The following EXOC4 variants were observed in gnomAD, a reference collection of about 807,000 sequenced individuals.
EXOC4 encodes SEC8-like 1.
In EXOC4, 71 loss-of-function variants were observed where a neutral mutation model predicts 107.2. The ratio of observed to expected loss-of-function variants is 0.66; its 90% CI spans 0.55 to 0.81. EXOC4 has a LOEUF of 0.81. EXOC4 is among the 30% of genes least tolerant of loss of function. The probability of loss-of-function intolerance (pLI) is 0.00; values close to 1 mark genes in which losing one functional copy is unlikely to be tolerated. For synonymous variants in EXOC4, 456 were observed against 441.2 expected, an observed-to-expected ratio of 1.03 and a Z score of -0.42; for missense variants, 1,108 against 1,189.6, an observed-to-expected ratio of 0.93 and a Z score of 1.01.
At chr7:133,674,647 A>C (rs1406637074) in intron 10 of EXOC4, among the ~76,000 whole-genome samples, 2 of 152,204 alleles carry the variant, frequency 1.3e-5, no homozygotes, top group African/African-American at 2.4e-5. Flanking sequence ...TGAAGAGCCT[A>C]TTAGCAGCAT....
At chr7:133,594,510 T>TTTTTTTTTTTTTTG (rs1381071081) in intron 9 of EXOC4, among the ~76,000 whole-genome samples, 1 of 145,676 alleles carries the variant, frequency 6.9e-6, no homozygotes, top group African/African-American at 2.5e-5. Flanking sequence ...TTTTTTTTTT[T>TTTTTTTTTTTTTTG]TTTGAGACGG....
the EXOC4 span, among the ~76,000 whole-genome samples, chr7:134,084,062 G>C: frequency 6.6e-6 from 1 of 152,196 alleles, no homozygotes; most frequent in African/African-American, 2.4e-5. Flanking sequence ...TACCAAGGCT[G>C]TCTGGCTCCA....
intron 7 of EXOC4, among the ~76,000 whole-genome samples, chr7:133,440,849 A>G (rs1043402893): frequency 2.6e-5 from 4 of 152,178 alleles, no homozygotes; most frequent in Non-Finnish European, 4.4e-5. Flanking sequence ...AGAAATAACC[A>G]TGGAAGTGGG....
intron 5 of EXOC4, 50 bp downstream of exon 5, chr7:133,317,440 C>T: frequency 7.7e-7 from 1 of 1,305,576 alleles, no homozygotes; most frequent in Non-Finnish European, 1.1e-6. Flanking sequence ...GTCTTAGTTC[C>T]TAGGTAGATA....
At chr7:133,621,789 A>G (rs1802336044) in intron 9 of EXOC4, among the ~76,000 whole-genome samples, 1 of 152,168 alleles carries the variant, frequency 6.6e-6, no homozygotes, top group South Asian at 2.1e-4. Context: ...ATACTGTTGC[A>G]TGGCAATCAA....
chr7:133,871,079 G>T (rs547287818), intron 11 of EXOC4, among the ~76,000 whole-genome samples: 1 of 152,264 alleles, frequency 6.6e-6, no homozygotes, highest in East Asian at 1.9e-4. Context: ...TATGACAAAG[G>T]TAATAAATAC....
At chr7:133,966,046 T>G (rs1801058512) in intron 14 of EXOC4, among the ~76,000 whole-genome samples, 1 of 152,210 alleles carries the variant, frequency 6.6e-6, no homozygotes, top group Admixed American at 6.5e-5. Flanking sequence ...TTCACATCCC[T>G]TGTAAGTTTG....
chr7:133,647,750 C>T (rs533377998), intron 10 of EXOC4, among the ~76,000 whole-genome samples: 41 of 152,234 alleles, frequency 2.7e-4, no homozygotes, highest in Non-Finnish European at 4.3e-4. Context: ...AGATAATCCA[C>T]TCTGATAATC....
At chr7:133,717,154 C>T (rs1795014444) in intron 10 of EXOC4, among the ~76,000 whole-genome samples, 1 of 152,066 alleles carries the variant, frequency 6.6e-6, no homozygotes, top group Non-Finnish European at 1.5e-5. Context: ...CTGAAAGGTT[C>T]ACTATTTTTC....
At chr7:133,989,645 T>C (rs890032641) in intron 14 of EXOC4, among the ~76,000 whole-genome samples, 5 of 152,176 alleles carry the variant, frequency 3.3e-5, no homozygotes, top group Admixed American at 2.0e-4. Flanking sequence ...AGATGAGGAC[T>C]GAAGAGCAGC....
At chr7:133,961,241 CCTCTGACA>C (rs1800935405) in intron 14 of EXOC4, among the ~76,000 whole-genome samples, 1 of 148,770 alleles carries the variant, frequency 6.7e-6, no homozygotes, top group Non-Finnish European at 1.5e-5. Context: ...ACCCCTAGAG[CCTCTGACA>C]CTTATTTAAA....
chr7:133,428,416 A>G (rs534716224), intron 7 of EXOC4, among the ~76,000 whole-genome samples: 25 of 152,326 alleles, frequency 1.6e-4, no homozygotes, highest in Non-Finnish European at 3.2e-4. Flanking sequence ...TCCAGTAGCC[A>G]TAAGCATTTG....
intron 10 of EXOC4, among the ~76,000 whole-genome samples, chr7:133,698,070 CAG>C (rs1314566428): frequency 6.6e-6 from 1 of 151,558 alleles, no homozygotes; most frequent in Non-Finnish European, 1.5e-5. Flanking sequence ...GTTTTAAAAA[CAG>C]AAGAAAATGA....
At chr7:133,351,849 A>G (rs1257779563) in intron 5 of EXOC4, among the ~76,000 whole-genome samples, 1 of 151,828 alleles carries the variant, frequency 6.6e-6, no homozygotes, top group Non-Finnish European at 1.5e-5. Context: ...TTTTTCCTGC[A>G]TCCTGTAAAT....
intron 17 of EXOC4, among the ~76,000 whole-genome samples, chr7:134,053,955 A>T (rs957648211): frequency 5.4e-4 from 82 of 151,926 alleles, no homozygotes; most frequent in African/African-American, 2.0e-3. Flanking sequence ...TTTTTTAATT[A>T]TTTTTTCTAA....
chr7:133,731,851 A>G (rs1256755529), intron 10 of EXOC4, among the ~76,000 whole-genome samples: 1 of 152,242 alleles, frequency 6.6e-6, no homozygotes. Context: ...TGGGAATATA[A>G]ATTAGTTCAA....
intron 11 of EXOC4, among the ~76,000 whole-genome samples, chr7:133,838,363 G>A (rs545675541): frequency 2.6e-5 from 4 of 152,228 alleles, no homozygotes; most frequent in Non-Finnish European, 4.4e-5. Flanking sequence ...CTGTTTAATA[G>A]AAATCTCTCC....
chr7:133,791,033 G>A (rs930151729), intron 10 of EXOC4, among the ~76,000 whole-genome samples: 1 of 152,202 alleles, frequency 6.6e-6, no homozygotes, highest in Non-Finnish European at 1.5e-5. Flanking sequence ...GTAGATTGGG[G>A]GGATGTGGAA....
intron 6 of EXOC4, among the ~76,000 whole-genome samples, chr7:133,358,462 A>G (rs1275490097): frequency 6.6e-6 from 1 of 152,188 alleles, no homozygotes; most frequent in African/African-American, 2.4e-5. Flanking sequence ...TGCCTTCCCC[A>G]AATTCCATGT....
Sources: gnomAD v4.1 joint callset for allele counts (sites outside exome capture counted in the v4.1 genomes callset) on GRCh38, gnomAD v4.1.1 for gene constraint, MANE v1.5 for transcripts, NCBI Gene and HGNC (gene_info 2026-07-23, HGNC 2026-07-21) for gene names.